TRPC5: variants seen among roughly 807,000 people sequenced by gnomAD.
TRPC5 encodes the protein short transient receptor potential channel 5.
In TRPC5, 9 loss-of-function variants were observed where a neutral mutation model predicts 56.5. The ratio of observed to expected loss-of-function variants is 0.16; its 90% confidence interval spans 0.10 to 0.28. TRPC5 has a LOEUF of 0.28. Ranked by LOEUF, TRPC5 falls within the 10% of genes least tolerant of loss-of-function variation. The pLI, the probability that TRPC5 is intolerant of heterozygous loss-of-function variation, is 1.00. For synonymous variants in TRPC5, 282 were observed against 278.5 expected (o/e 1.01, Z -0.13); for missense variants, 469 against 748.9 (o/e 0.63, Z 4.36).
chrX:112,052,504 G>A (rs747441935), intron 1 of TRPC5, among the ~76,000 whole-genome samples: 22 of 111,255 alleles, frequency 2.0e-4, no homozygotes, highest in Middle Eastern at 9.2e-3. Flanking sequence ...AGTTGTAGGA[G>A]TTCTTTATAT....
At chrX:111,846,611 T>A (rs186558786) in intron 6 of TRPC5, among the ~76,000 whole-genome samples, 51 of 111,320 alleles carry the variant, frequency 4.6e-4, no homozygotes, top group Admixed American at 2.1e-3. Context: ...GAGAGTGGAT[T>A]CTAGTCCTAC....
rs1220444054 is a variant in TRPC5, at chrX:111,940,685, C to A, written c.378+11358G>T. Reference sequence around the variant, plus strand: ...CAGCCTGGGTGACACAGTGGGACTACGTCTAAAAAAAAAAAAAAAAAAAAG... The same window carrying A: ...CAGCCTGGGTGACACAGTGGGACTAAGTCTAAAAAAAAAAAAAAAAAAAAG... On this transcript the variant is annotated intron_variant, in intron 2 of 10. Transcript: ENST00000262839. Among the ~76,000 whole-genome samples the A allele has an allele frequency of 5.7e-5, 5 of 88,462 alleles. No individual in the cohort carries two copies. In the East Asian group the frequency reaches 1.4e-3, roughly 24 times the overall value. The allele number at this position is 88,462 out of a possible 115,157, so 76.8% of individuals were successfully genotyped here.
At chrX:111,992,323 C>A (rs1366979056) in intron 1 of TRPC5, among the ~76,000 whole-genome samples, 1 of 112,001 alleles carries the variant, frequency 8.9e-6, no homozygotes, top group Non-Finnish European at 1.9e-5. Context: ...TCAAGTTGCA[C>A]ACTTTAAATA....
At chrX:111,937,815 A>G (rs1926639415) in intron 2 of TRPC5, among the ~76,000 whole-genome samples, 1 of 105,919 alleles carries the variant, frequency 9.4e-6, no homozygotes, top group African/African-American at 3.5e-5. Flanking sequence ...CTTAGGATTG[A>G]CTTGGCCATG....
At chrX:112,060,763 A>G (rs1409777926) in intron 1 of TRPC5, among the ~76,000 whole-genome samples, 1 of 112,328 alleles carries the variant, frequency 8.9e-6, no homozygotes, top group African/African-American at 3.2e-5. Context: ...TCCCCCCACC[A>G]AAATAATATA....
chrX:111,805,222 G>A (rs1448253739), intron 7 of TRPC5, among the ~76,000 whole-genome samples: 1 of 111,949 alleles, frequency 8.9e-6, no homozygotes, highest in East Asian at 2.8e-4. Flanking sequence ...TGGTGGATAA[G>A]CTTTTTGATG....
intron 1 of TRPC5, among the ~76,000 whole-genome samples, chrX:111,997,889 G>A (rs1057364702): frequency 1.8e-5 from 2 of 110,759 alleles, no homozygotes; most frequent in African/African-American, 6.6e-5. Context: ...TTAGCCATTT[G>A]TCTAATCTTT....
intron 1 of TRPC5, among the ~76,000 whole-genome samples, chrX:111,966,615 A>C (rs1192337438): frequency 3.6e-5 from 4 of 111,938 alleles, no homozygotes; most frequent in Non-Finnish European, 7.5e-5. Flanking sequence ...GCAGCACATC[A>C]AAAAGCTTAT....
chrX:111,851,446 G>A (rs1176540338), intron 5 of TRPC5, among the ~76,000 whole-genome samples: 1 of 110,747 alleles, frequency 9.0e-6, no homozygotes, highest in Non-Finnish European at 1.9e-5. Flanking sequence ...AAAGTAAGAT[G>A]TCAAACATGA....
intron 1 of TRPC5, among the ~76,000 whole-genome samples, chrX:111,953,925 C>A (rs114456858): frequency 0.022 from 2,408 of 111,571 alleles, 49 homozygotes; most frequent in African/African-American, 0.075. Context: ...AAATTTCTCT[C>A]CACATCTAAA....
At chrX:111,825,228 T>TTCTC (rs56898407) in intron 7 of TRPC5, among the ~76,000 whole-genome samples, 12 of 76,059 alleles carry the variant, frequency 1.6e-4, no homozygotes, top group East Asian at 7.7e-4. Flanking sequence ...TCTTCTTTCT[T>TTCTC]TCTCTCTCTC....
At chrX:111,842,461 T>G (rs1380701086) in intron 6 of TRPC5, among the ~76,000 whole-genome samples, 3 of 111,452 alleles carry the variant, frequency 2.7e-5, no homozygotes, top group African/African-American at 6.6e-5. Flanking sequence ...TTTTAAAAAT[T>G]TACACATTTT....
rs71710331 is a variant in TRPC5 at position 111,894,733 on chromosome X, A to AT, written c.900+17557dup. ...GGCCTAAAATTTAAAAAATAAAACT[A>AT]TTTTTTTTGAGGTATGGCATGCATA... is the stretch of plus-strand genomic sequence containing the variant. On this transcript the variant is annotated intron_variant, in intron 3 of 10. Transcript: ENST00000262839. Among the ~76,000 whole-genome samples, 124 of 110,682 alleles carry AT rather than the reference A, an allele frequency of 1.1e-3. 1 individual carries two copies. In the Middle Eastern group the frequency reaches 0.014, roughly 13 times the overall value.
At chrX:112,007,841 T>A (rs1228428907) in intron 1 of TRPC5, among the ~76,000 whole-genome samples, 1 of 111,460 alleles carries the variant, frequency 9.0e-6, no homozygotes, top group Non-Finnish European at 1.9e-5. Context: ...GCCTGGCAAG[T>A]CTGCTTGTTG....
chrX:112,061,992 T>C (rs1930470511), intron 1 of TRPC5, among the ~76,000 whole-genome samples: 1 of 112,044 alleles, frequency 8.9e-6, no homozygotes, highest in African/African-American at 3.2e-5. Context: ...TAGTCATCTT[T>C]TTCTTCCTCC....
chrX:111,813,960 G>A (rs1921786480), intron 7 of TRPC5, among the ~76,000 whole-genome samples: 1 of 112,061 alleles, frequency 8.9e-6, no homozygotes, highest in African/African-American at 3.2e-5. Context: ...GTAGAATTCA[G>A]GGCATGCTTC....
chrX:111,921,843 A>T (rs1198822384), intron 2 of TRPC5, among the ~76,000 whole-genome samples: 3 of 111,836 alleles, frequency 2.7e-5, no homozygotes, highest in Non-Finnish European at 5.6e-5. Flanking sequence ...TGAGTTTGCT[A>T]CTGGATCTGT....
chrX:111,836,059 C>G (rs758436053), intron 6 of TRPC5, among the ~76,000 whole-genome samples: 7 of 111,512 alleles, frequency 6.3e-5, no homozygotes, highest in Non-Finnish European at 1.1e-4. Flanking sequence ...CCAAGGACAC[C>G]TTACTAGTAT....
intron 1 of TRPC5, among the ~76,000 whole-genome samples, chrX:112,003,873 A>G (rs139802753): frequency 0.012 from 1,333 of 112,048 alleles, 23 homozygotes; most frequent in African/African-American, 0.04. Flanking sequence ...GTTTCCCCAG[A>G]GATCCTCACT....
Sources: allele counts gnomAD v4.1 joint callset (sites outside exome capture counted in the v4.1 genomes callset), GRCh38; gene constraint gnomAD v4.1.1; transcripts MANE v1.5; gene names NCBI Gene and HGNC (gene_info 2026-07-23, HGNC 2026-07-21).